DCUN1D5: variants seen among roughly 807,000 people sequenced by gnomAD.
DCUN1D5 encodes the protein defective in cullin neddylation 1 domain containing 5.
Under a neutral mutation model 38.3 loss-of-function variants are expected in DCUN1D5, and 10 were observed. The observed-to-expected ratio is 0.26, with a 90% CI of 0.16 to 0.44. The LOEUF is 0.44. Ranked by LOEUF, DCUN1D5 falls within the 20% of genes least tolerant of loss-of-function variation. The probability of loss-of-function intolerance (pLI) is 1.00; values close to 1 mark genes in which losing one functional copy is unlikely to be tolerated. For missense variants in DCUN1D5, 148 were observed against 275.3 expected (o/e 0.54, Z 3.27); for synonymous variants, 93 against 90.9 (o/e 1.02, Z -0.13).
chr11:103,068,297 C>G (rs1862184530), intron 4 of DCUN1D5, among the ~76,000 whole-genome samples: 1 of 152,086 alleles, frequency 6.6e-6, no homozygotes, highest in Non-Finnish European at 1.5e-5. Flanking sequence ...GTTTGTAGAA[C>G]TATCATTCGA....
In DCUN1D5 at chr11:103,087,354, TAGAG is replaced by T. The variant is rs1025224827; in HGVS notation, c.178+1869_178+1872del. On this transcript the variant is annotated intron_variant, in intron 2 of 7. Transcript: ENST00000260247. The surrounding 1 kb of genome is among the most constrained non-coding windows in gnomAD (Gnocchi z 4.1). ...CCCGGCTAATTGTTTGTGTTTTTGG[TAGAG>T]AGAGTGTTTCACCATGTTAACCAGG... 8.6e-5 allele frequency among the ~76,000 whole-genome samples: 13 copies of T among 151,832 alleles called. No homozygotes were observed. Among genetic ancestry groups the T allele is most frequent in the African/African-American group, 2.2e-4 (9 of 41,288 alleles).
In DCUN1D5 at chr11:103,064,092, T is replaced by C. The variant is rs1424999636; in HGVS notation, c.658+183A>G. On this transcript the variant is annotated intron_variant, in intron 7 of 7. Transcript: ENST00000260247. This position sits in a 1 kb window ranked among gnomAD's most constrained non-coding sequence, Gnocchi z 4.5. ...ACTGAAAACATTTCATTTACCAGCA[T>C]AGATTTTATATAATACTGCTGAATC... is the stretch of plus-strand genomic sequence containing the variant. Among the ~76,000 whole-genome samples the C allele has an allele frequency of 1.3e-5, 2 of 152,168 alleles. No homozygotes were observed. Among genetic ancestry groups the C allele is most frequent in the Admixed American group, 6.5e-5 (1 of 15,276 alleles).
In DCUN1D5 at chr11:103,087,207, G is replaced by A. The variant is rs1862734815; in HGVS notation, c.178+2020C>T. Among the ~76,000 whole-genome samples, 1 of 143,788 alleles carries A rather than the reference G, an allele frequency of 7.0e-6. No individual in the cohort carries two copies. 94.3% of individuals were successfully genotyped at this position (143,788 alleles called of 152,430 possible). On this transcript the variant is annotated intron_variant, in intron 2 of 7. Transcript: ENST00000260247. The surrounding 1 kb of genome is among the most constrained non-coding windows in gnomAD (Gnocchi z 4.1). The stretch of plus-strand genomic sequence containing the variant: ...TTTTTTTGAGGCAGAGTCTCACTCT[G>A]TCACCCAGGCTGGAGTGCAGTGGTG...
At chr11:103,089,109 C>A in intron 2 of DCUN1D5, 118 bp downstream of exon 2, 1 of 911,120 alleles carries the variant, frequency 1.1e-6, no homozygotes, top group Non-Finnish European at 1.5e-6. Context: ...TCCTGACCCT[C>A]ATCCCAGTAC....
rs896107529 is a variant in DCUN1D5 at position 103,066,094 on chromosome 11, T to C, written c.555+175A>G. On this transcript the variant is annotated intron_variant, in intron 6 of 7. Coordinates refer to ENST00000260247, the MANE Select transcript of DCUN1D5 (RefSeq NM_032299.4). This position sits in a 1 kb window ranked among gnomAD's most constrained non-coding sequence, Gnocchi z 4.7. Reference sequence around the variant, plus strand: ...TTGAAAATATCTTAGGTACAAAATATATTAATAAACATGAACTTCTATCTA... The same window carrying C: ...TTGAAAATATCTTAGGTACAAAATACATTAATAAACATGAACTTCTATCTA... Among the ~76,000 whole-genome samples the C allele has an allele frequency of 4.6e-5, 7 of 151,876 alleles. No individual in the cohort carries two copies. Among genetic ancestry groups the C allele is most frequent in the Non-Finnish European group, 1.5e-5 (1 of 67,968 alleles).
At chr11:103,080,207 T>C (rs187018312) in intron 4 of DCUN1D5, among the ~76,000 whole-genome samples, 3 of 152,320 alleles carry the variant, frequency 2.0e-5, no homozygotes, top group Admixed American at 2.0e-4. Context: ...AAACAACTCA[T>C]GACTATATTA....
At position 103,060,625 on chromosome 11, in the gene DCUN1D5, A is replaced by C. The variant is rs1040408247; in HGVS notation, c.*1734T>G. On this transcript the variant is annotated 3_prime_UTR_variant, in exon 8 of 8. Coordinates refer to ENST00000260247, the MANE Select transcript of DCUN1D5 (RefSeq NM_032299.4). ...AAATATACCTTTTAAAAAACATGTCATCTATAAGCTTTAAGTGTTCCCTAT... is the reference window on the plus strand; with the variant it reads ...AAATATACCTTTTAAAAAACATGTCCTCTATAAGCTTTAAGTGTTCCCTAT... Among the ~76,000 whole-genome samples the C allele has an allele frequency of 8.5e-5, 13 of 152,270 alleles. No homozygotes were observed. The East Asian group carries it at 2.5e-3, about 29-fold the overall frequency.
In DCUN1D5 at chr11:103,054,577, G is replaced by A. The variant is rs1182958392; in HGVS notation, c.*7782C>T. The A allele has an allele frequency of 6.6e-6, 1 of 152,016 alleles. No individual in the cohort carries two copies. Among genetic ancestry groups the A allele is most frequent in the African/African-American group, 2.4e-5 (1 of 41,388 alleles). The allele number at this position is 152,016 out of a possible 1,614,324, so 9.4% of individuals were successfully genotyped here. A position where few individuals can be genotyped will look rare whatever the true frequency, so the allele number is the denominator to read the frequency against. On this transcript the variant is annotated 3_prime_UTR_variant, in exon 8 of 8. Transcript: ENST00000260247. ...CTACAACAAAGCTTATTTAGGCAGG[G>A]ACTATATTTTATTCATCTTTGTAGC... is the stretch of plus-strand genomic sequence containing the variant.
chr11:103,065,972 T>A lies in DCUN1D5; in HGVS notation c.555+297A>T, dbSNP rs1038882661. ...GTTTGTGTACTAGCATTAACTCTCT[T>A]ATGAAAACCCCGAGAAACTAATTCT... On this transcript the variant is annotated intron_variant, in intron 6 of 7. Transcript: ENST00000260247. This position sits in a 1 kb window ranked among gnomAD's most constrained non-coding sequence, Gnocchi z 4.6. Among the ~76,000 whole-genome samples the A allele has an allele frequency of 6.6e-6, 1 of 152,062 alleles. No individual in the cohort carries two copies. The highest frequency in any genetic ancestry group is 2.4e-5 in the African/African-American group (1 of 41,418).
Position 103,066,232 on chromosome 11 carries a change from A to G in DCUN1D5, c.555+37T>C. ...AAGTATAACTTTCAGATTAAGTTTT[A>G]AAATAATATTTTCAAAATTCGAAAA... On this transcript the variant is annotated intron_variant, in intron 6 of 7. Coordinates refer to ENST00000260247, the MANE Select transcript of DCUN1D5 (RefSeq NM_032299.4). The surrounding 1 kb of genome is among the most constrained non-coding windows in gnomAD (Gnocchi z 4.7). The G allele has an allele frequency of 7.6e-7, 1 of 1,317,770 alleles. No homozygotes were observed. Among genetic ancestry groups the G allele is most frequent in the Non-Finnish European group, 1.1e-6 (1 of 950,678 alleles). The allele number at this position is 1,317,770 out of a possible 1,614,324, so 81.6% of individuals were successfully genotyped here.
chr11:103,084,828 G>A (rs1288944652), intron 2 of DCUN1D5, among the ~76,000 whole-genome samples: 1 of 147,036 alleles, frequency 6.8e-6, no homozygotes, highest in Middle Eastern at 3.2e-3. Flanking sequence ...CATCTCTAGG[G>A]AAAAAAAAAA....
chr11:103,059,565 A>G lies in DCUN1D5; in HGVS notation c.*2794T>C, dbSNP rs1031901409. 1.3e-5 allele frequency among the ~76,000 whole-genome samples: 2 copies of G among 152,162 alleles called. No homozygotes were observed. Among genetic ancestry groups the G allele is most frequent in the Non-Finnish European group, 2.9e-5 (2 of 68,018 alleles). On this transcript the variant is annotated 3_prime_UTR_variant, in exon 8 of 8. Coordinates refer to ENST00000260247, the MANE Select transcript of DCUN1D5 (RefSeq NM_032299.4). Reference sequence around the variant, plus strand: ...GCTACTACTGTCAAAAATGTATTATATCAATAATTTTATCAGCAGCATTTA... The same window carrying G: ...GCTACTACTGTCAAAAATGTATTATGTCAATAATTTTATCAGCAGCATTTA...
At chr11:103,081,028 C>T (rs1472918048) in intron 4 of DCUN1D5, among the ~76,000 whole-genome samples, 5 of 151,676 alleles carry the variant, frequency 3.3e-5, no homozygotes, top group Admixed American at 6.6e-5. Context: ...AAAACATGCT[C>T]ATGGGCTAGT....
At position 103,051,514 on chromosome 11, in the gene DCUN1D5, C is replaced by CCT. The variant is rs398017369; in HGVS notation, c.*10844_*10845insAG. The CCT allele has an allele frequency of 8.4e-6, 1 of 118,848 alleles. No individual in the cohort carries two copies. The highest frequency in any genetic ancestry group is 1.8e-5 in the Non-Finnish European group (1 of 55,148). The allele number at this position is 118,848 out of a possible 1,614,324, so 7.4% of individuals were successfully genotyped here. A position where few individuals can be genotyped will look rare whatever the true frequency, so the allele number is the denominator to read the frequency against. ...CACATATTTACTTCCCCCCCCCCCC[C>CCT]GCCACCCCTGTGTTAACAGGTTTAC... On this transcript the variant is annotated 3_prime_UTR_variant, in exon 8 of 8. Transcript: ENST00000260247.
chr11:103,090,455 G>C (rs1862829568), intron 1 of DCUN1D5, among the ~76,000 whole-genome samples: 1 of 152,132 alleles, frequency 6.6e-6, no homozygotes, highest in African/African-American at 2.4e-5. Context: ...GACTATGTAA[G>C]TCATCTACCT....
At position 103,056,739 on chromosome 11, in the gene DCUN1D5, T is replaced by C. The variant is rs1187608364; in HGVS notation, c.*5620A>G. Among the ~76,000 whole-genome samples, 2 of 152,222 alleles carry C rather than the reference T, an allele frequency of 1.3e-5. No homozygotes were observed. The highest frequency in any genetic ancestry group is 4.8e-5 in the African/African-American group (2 of 41,454). On this transcript the variant is annotated 3_prime_UTR_variant, in exon 8 of 8. Transcript: ENST00000260247. This position sits in a 1 kb window ranked among gnomAD's most constrained non-coding sequence, Gnocchi z 4.9. ...TGATTTAGTCTAAGGAGAATATTAA[T>C]AATTTTGTTTGATTATAAAAATGGC...
chr11:103,092,017 C>G lies in DCUN1D5; in HGVS notation c.-145G>C. 1 of 707,272 alleles carries G rather than the reference C, an allele frequency of 1.4e-6. No homozygotes were observed. Among genetic ancestry groups the G allele is most frequent in the Non-Finnish European group, 2.3e-6 (1 of 435,830 alleles). The allele number at this position is 707,272 out of a possible 1,614,324, so 43.8% of individuals were successfully genotyped here. A position where few individuals can be genotyped will look rare whatever the true frequency, so the allele number is the denominator to read the frequency against. Reference sequence around the variant, plus strand: ...GCCAGCCCGCACCGGCGCGGCCCAGCCCGGCCGCCGCCCGCTCCCAGGTAT... The same window carrying G: ...GCCAGCCCGCACCGGCGCGGCCCAGGCCGGCCGCCGCCCGCTCCCAGGTAT... On this transcript the variant is annotated 5_prime_UTR_variant, in exon 1 of 8. Transcript: ENST00000260247.
chr11:103,066,340 CA>C lies in DCUN1D5; in HGVS notation c.483del (p.Ala162LeufsTer5). 1 of 1,611,462 alleles carries C rather than the reference CA, an allele frequency of 6.2e-7. No homozygotes were observed. Among genetic ancestry groups the C allele is most frequent in the Non-Finnish European group, 8.5e-7 (1 of 1,179,124 alleles). On this transcript the variant is annotated frameshift_variant, in exon 6 of 8. Coordinates refer to ENST00000260247, the MANE Select transcript of DCUN1D5 (RefSeq NM_032299.4). LOFTEE classifies it high-confidence loss of function. This position sits in a 1 kb window ranked among gnomAD's most constrained non-coding sequence, Gnocchi z 4.7. The stretch of plus-strand genomic sequence containing the variant: ...AGCAGAAGAGCTAACATAGATTTAG[CA>C]GTATCAATATCAAGGCTTCTCTGAT... ...DKDQRSLDID[T>X]AKSMLALLLG...
intron 1 of DCUN1D5, among the ~76,000 whole-genome samples, chr11:103,090,417 G>T (rs2134641542): frequency 6.6e-6 from 1 of 152,188 alleles, no homozygotes; most frequent in South Asian, 2.1e-4. Flanking sequence ...AGGGAAAAAA[G>T]TCGACCAATT....
Sources: allele counts gnomAD v4.1 joint callset (sites outside exome capture counted in the v4.1 genomes callset), GRCh38; gene constraint gnomAD v4.1.1; non-coding constraint Gnocchi (gnomAD v3.1); transcripts MANE v1.5; gene names NCBI Gene and HGNC (gene_info 2026-07-23, HGNC 2026-07-21).